The following PRKAG2 variants were observed in gnomAD, a reference collection of about 807,000 sequenced individuals.
The protein encoded by PRKAG2 is protein kinase AMP-activated non-catalytic subunit gamma 2.
In PRKAG2, 26 loss-of-function variants were observed where a neutral mutation model predicts 69.6. The ratio of observed to expected loss-of-function variants is 0.37; its 90% CI spans 0.27 to 0.52. The LOEUF (loss-of-function observed/expected upper bound fraction) is 0.52, where lower values mean the gene tolerates loss of function less well. Ranked by LOEUF, PRKAG2 falls within the 20% of genes least tolerant of loss-of-function variation. The probability of loss-of-function intolerance (pLI) is 0.90; values close to 1 mark genes in which losing one functional copy is unlikely to be tolerated. For missense variants in PRKAG2, 557 were observed against 740.0 expected (o/e 0.75, Z 2.87); for synonymous variants, 293 against 285.0 (o/e 1.03, Z -0.28).
chr7:151,604,369 G>A (rs1478023046), intron 5 of PRKAG2, among the ~76,000 whole-genome samples: 1 of 152,206 alleles, frequency 6.6e-6, no homozygotes, highest in African/African-American at 2.4e-5. Context: ...AGGTACAGTG[G>A]CTCCCACCTG....
intron 5 of PRKAG2, among the ~76,000 whole-genome samples, chr7:151,627,691 A>G (rs1823328131): frequency 6.6e-6 from 1 of 152,164 alleles, no homozygotes; most frequent in Non-Finnish European, 1.5e-5. Flanking sequence ...CGTTGTTGTC[A>G]TTTTGTTTTT....
At chr7:151,747,562 A>AAAAC (rs1161097058) in intron 3 of PRKAG2, among the ~76,000 whole-genome samples, 5 of 111,812 alleles carry the variant, frequency 4.5e-5, no homozygotes, top group Admixed American at 2.6e-4. Flanking sequence ...GTCTCAAAAA[A>AAAAC]AAACCAACCA....
rs1012893818 is a variant in PRKAG2, at chr7:151,715,843, G to A, written c.467-40206C>T. Among the ~76,000 whole-genome samples, 6 of 152,154 alleles carry A rather than the reference G, an allele frequency of 3.9e-5. No individual in the cohort carries two copies. The South Asian group carries it at 6.2e-4, about 16-fold the overall frequency. ...AGGCAAAGGCAGGAGAGAGGGCGGG[G>A]CGGGGCAAGGAGCCTTGGTGCGGGA... On this transcript the variant is annotated intron_variant, in intron 3 of 15. Coordinates refer to ENST00000287878, the MANE Select transcript of PRKAG2 (RefSeq NM_016203.4).
intron 3 of PRKAG2, among the ~76,000 whole-genome samples, chr7:151,778,734 T>C (rs2033456144): frequency 6.6e-6 from 1 of 152,180 alleles, no homozygotes. Context: ...AGCTTGACAT[T>C]TTTTTCAAGA....
At chr7:151,610,526 A>G (rs1222911187) in intron 5 of PRKAG2, among the ~76,000 whole-genome samples, 1 of 151,466 alleles carries the variant, frequency 6.6e-6, no homozygotes, top group Non-Finnish European at 1.5e-5. Context: ...AAAATACAAA[A>G]ATTAGCTGGG....
chr7:151,589,842 C>G (rs926397811), intron 6 of PRKAG2, among the ~76,000 whole-genome samples: 4 of 152,058 alleles, frequency 2.6e-5, no homozygotes, highest in African/African-American at 9.7e-5. Flanking sequence ...GGGTGAGGCA[C>G]AAGAATTGCT....
intron 3 of PRKAG2, among the ~76,000 whole-genome samples, chr7:151,745,210 T>G (rs1200455347): frequency 6.6e-6 from 1 of 152,206 alleles, no homozygotes; most frequent in Non-Finnish European, 1.5e-5. Flanking sequence ...CCCAGTCCCC[T>G]GCACGGCTGC....
At chr7:151,698,272 A>T (rs1585857373) in intron 3 of PRKAG2, among the ~76,000 whole-genome samples, 1 of 152,298 alleles carries the variant, frequency 6.6e-6, no homozygotes, top group Admixed American at 6.5e-5. Context: ...GTCCCTTGTG[A>T]GGCCTCAGCT....
intron 4 of PRKAG2, among the ~76,000 whole-genome samples, chr7:151,674,225 T>G (rs1832537999): frequency 2.0e-5 from 3 of 152,020 alleles, no homozygotes; most frequent in South Asian, 4.2e-4. Context: ...GAGACTGGAG[T>G]AACACTGTCA....
intron 1 of PRKAG2, among the ~76,000 whole-genome samples, chr7:151,854,368 G>T (rs1304538209): frequency 6.6e-6 from 1 of 152,248 alleles, no homozygotes; most frequent in South Asian, 2.1e-4. Flanking sequence ...AGCAGCACAC[G>T]GACCAGCTGG....
chr7:151,633,158 G>A (rs932740105), intron 4 of PRKAG2: 3 of 152,252 alleles, frequency 2.0e-5, no homozygotes, highest in Non-Finnish European at 4.4e-5. Context: ...CCTGAAAGAG[G>A]AAGTCCTGAA....
chr7:151,868,976 G>C (rs542478079), intron 1 of PRKAG2, among the ~76,000 whole-genome samples: 1 of 152,194 alleles, frequency 6.6e-6, no homozygotes, highest in African/African-American at 2.4e-5. Flanking sequence ...AAGAGGCGTT[G>C]GCAAATAAAA....
intron 3 of PRKAG2, among the ~76,000 whole-genome samples, chr7:151,690,108 C>T (rs980426289): frequency 2.0e-5 from 3 of 152,158 alleles, no homozygotes; most frequent in East Asian, 3.9e-4. Context: ...CTCTGCCCCT[C>T]GATGGCAACA....
intron 3 of PRKAG2, among the ~76,000 whole-genome samples, chr7:151,712,478 T>A (rs1180221778): frequency 6.6e-6 from 1 of 152,204 alleles, no homozygotes; most frequent in Non-Finnish European, 1.5e-5. Context: ...TCTGGCCCAC[T>A]GTGAAAGGGA....
At chr7:151,596,538 C>T (rs1397943223) in intron 5 of PRKAG2, among the ~76,000 whole-genome samples, 1 of 152,036 alleles carries the variant, frequency 6.6e-6, no homozygotes. Flanking sequence ...CACCTGAGGT[C>T]AGGAGTTTGA....
At chr7:151,686,417 CTTCT>C (rs1457661886) in intron 3 of PRKAG2, among the ~76,000 whole-genome samples, 1 of 152,178 alleles carries the variant, frequency 6.6e-6, no homozygotes, top group Admixed American at 6.5e-5. Flanking sequence ...AATTCCCTTC[CTTCT>C]GAGTTCCCAG....
chr7:151,783,375 T>A (rs2076829333), intron 2 of PRKAG2, among the ~76,000 whole-genome samples: 1 of 152,212 alleles, frequency 6.6e-6, no homozygotes, highest in African/African-American at 2.4e-5. Flanking sequence ...GGTCTCCCTC[T>A]GTCGCTCAAG....
At position 151,781,384 on chromosome 7, in the gene PRKAG2, G is replaced by GGGA. The variant is rs1400922226; in HGVS notation, c.233_234insTCC (p.Ser78_Arg79insPro). On this transcript the variant is annotated inframe_insertion, in exon 3 of 16. Transcript: ENST00000287878. This position sits in a 1 kb window ranked among gnomAD's most constrained non-coding sequence, Gnocchi z 6.1. Reference sequence around the variant, plus strand: ...TGGAGGGCCGGGGCTGGGGGCCTCTGGAGAAGAACCCTTTGGAGGGGCTGC... The same window carrying GGGA: ...TGGAGGGCCGGGGCTGGGGGCCTCTGGGAGAGAAGAACCCTTTGGAGGGGCTGC... The GGGA allele has an allele frequency of 6.2e-7, 1 of 1,612,362 alleles. No individual in the cohort carries two copies.
intron 10 of PRKAG2, among the ~76,000 whole-genome samples, chr7:151,569,320 C>G (rs1175509775): frequency 1.3e-5 from 2 of 152,258 alleles, no homozygotes; most frequent in Non-Finnish European, 2.9e-5. Context: ...CGGGCATGAG[C>G]CCTTGCGCCC....
Sources: allele counts gnomAD v4.1 joint callset (sites outside exome capture counted in the v4.1 genomes callset), GRCh38; gene constraint gnomAD v4.1.1; non-coding constraint Gnocchi (gnomAD v3.1); transcripts MANE v1.5; gene names NCBI Gene and HGNC (gene_info 2026-07-23, HGNC 2026-07-21).